The following ZNF205 variants were observed in gnomAD, a reference collection of about 807,000 sequenced individuals.
ZNF205 encodes zinc finger protein 205, also known as transcriptional repressor RHIT.
A neutral mutation model predicts 53.6 loss-of-function variants in ZNF205; 32 were observed. The observed-to-expected ratio is 0.60, with a 90% CI of 0.45 to 0.80. The LOEUF (loss-of-function observed/expected upper bound fraction) is 0.80, where lower values mean the gene tolerates loss of function less well. Among genes scored for constraint, ZNF205 ranks in the 30% least tolerant of loss-of-function variants. The probability of loss-of-function intolerance (pLI) is 0.00; values close to 1 mark genes in which losing one functional copy is unlikely to be tolerated. For synonymous variants in ZNF205, 382 were observed against 334.3 expected, an observed-to-expected ratio of 1.14 and a Z score of -1.56; for missense variants, 836 against 782.4, an observed-to-expected ratio of 1.07 and a Z score of -0.82.
Position 3,115,583 on chromosome 16 carries a change from G to A in ZNF205, c.271+15G>A, listed in dbSNP as rs762449264. ...GCCTGGCGGAGGTAGGAGAGGGACG[G>A]GGAAGAGGCGCTTTCCCAGGGAGGC... On this transcript the variant is annotated intron_variant, in intron 3 of 6. Coordinates refer to ENST00000219091, the MANE Select transcript of ZNF205 (RefSeq NM_001042428.2). 2 of 1,573,988 alleles carry A rather than the reference G, an allele frequency of 1.3e-6. No homozygotes were observed. The highest frequency in any genetic ancestry group is 1.4e-5 in the African/African-American group (1 of 72,636).
rs535018834 is a variant in ZNF205 at position 3,115,421 on chromosome 16, G to A, written c.124G>A (p.Asp42Asn). Residue 42 changes from aspartate to asparagine, a missense_variant, in exon 3 of 7, where the codon GAC becomes AAC. Coordinates refer to ENST00000219091, the MANE Select transcript of ZNF205 (RefSeq NM_001042428.2). ...GCTGGGGGAGGCGGTACCTTCAGGG[G>A]ACACTCAGGAGTCACTGCACATTAA... ...SKLGEAVPSG[D>N]TQESLHIKME... is the part of the protein sequence containing the mutation. The A allele has an allele frequency of 6.2e-7, 1 of 1,611,940 alleles. No individual in the cohort carries two copies.
chr16:3,112,595 C>G lies in ZNF205; in HGVS notation c.-102C>G. On this transcript the variant is annotated 5_prime_UTR_variant, in exon 1 of 7. Transcript: ENST00000219091. ...CCTACTCCCAGTCTCCACCCAACTC[C>G]CCCGCCCGCCCCGTGCAGGCTGTGG... 3 of 336,806 alleles carry G rather than the reference C, an allele frequency of 8.9e-6. No homozygotes were observed. The highest frequency in any genetic ancestry group is 6.7e-5 in the South Asian group (3 of 44,764). 20.9% of individuals were successfully genotyped at this position (336,806 alleles called of 1,614,324 possible). A position where few individuals can be genotyped will look rare whatever the true frequency, so the allele number is the denominator to read the frequency against.
chr16:3,116,236 G>T, intron 4 of ZNF205, 191 bp from the exon 5 acceptor site: 1 of 761,912 alleles, frequency 1.3e-6, no homozygotes, highest in Non-Finnish European at 2.1e-6. Context: ...AATACCTCTT[G>T]GTCTTTGTTC....
In ZNF205 at chr16:3,119,932, C is replaced by T. The variant is rs200097963; in HGVS notation, c.1272C>T (p.Ile424=). 363 of 1,613,632 alleles carry T rather than the reference C, an allele frequency of 2.2e-4. 4 individuals are homozygous for T. In the South Asian group the frequency reaches 3.8e-3, roughly 17 times the overall value. The change falls in exon 7 of 7, where the codon ATC becomes ATT. Residue 424 remains isoleucine (I), a synonymous_variant. Transcript: ENST00000219091. ...GCGCCAAGCCGCACAAGTGCCCCAT[C>T]TGCGCCAAGTGCTTCACGCAGAGCT... ...HTGAKPHKCP[I]CAKCFTQSSA... is the part of the protein sequence containing the mutation.
intron 6 of ZNF205, 29 bp from the exon 7 acceptor site, chr16:3,119,227 C>T (rs1367689503): frequency 3.2e-6 from 5 of 1,552,168 alleles, no homozygotes; most frequent in East Asian, 2.3e-5. Context: ...GAAGCTCGTC[C>T]CTAGCTGGAA....
rs745927643 is a variant in ZNF205, at chr16:3,118,897, C to T, written c.485-8C>T. 1.2e-6 allele frequency: 2 copies of T among 1,612,838 alleles called. No homozygotes were observed. The highest frequency in any genetic ancestry group is 8.5e-7 in the Non-Finnish European group (1 of 1,179,610). The stretch of plus-strand genomic sequence containing the variant: ...GCCTGTGACAGCACAGCATCTCTTT[C>T]TGGGCAGGCTTTCCCTTCAGCAGGC... On this transcript the variant is annotated splice_polypyrimidine_tract_variant and splice_region_variant and intron_variant, in intron 5 of 6. Transcript: ENST00000219091.
chr16:3,116,322 A>G lies in ZNF205; in HGVS notation c.364-105A>G, dbSNP rs1284025310. The G allele has an allele frequency of 2.0e-6, 3 of 1,534,600 alleles. No individual in the cohort carries two copies. The East Asian group carries it at 6.8e-5, about 35-fold the overall frequency. Reference sequence around the variant, plus strand: ...ATGGAAGTGGCAGGCCTCACTCGACACAGTGGGTTGGGAGTCCGGGGTCTC... The same window carrying G: ...ATGGAAGTGGCAGGCCTCACTCGACGCAGTGGGTTGGGAGTCCGGGGTCTC... On this transcript the variant is annotated intron_variant, in intron 4 of 6. Transcript: ENST00000219091.
intron 2 of ZNF205, among the ~76,000 whole-genome samples, chr16:3,114,490 G>A (rs368831923): frequency 3.9e-5 from 6 of 152,176 alleles, no homozygotes; most frequent in East Asian, 3.8e-4. Context: ...CAGACAGGGC[G>A]TGGAGGAAGG....
In ZNF205 at chr16:3,120,492, T is replaced by C. The variant is rs1957415962; in HGVS notation, c.*167T>C. ...CGAGGGCGAGAAAGGGCAGGCACTC[T>C]GCGAATTAAAGGCCTTGGACTTGAA... On this transcript the variant is annotated 3_prime_UTR_variant, in exon 7 of 7. Transcript: ENST00000219091. 2 of 855,564 alleles carry C rather than the reference T, an allele frequency of 2.3e-6. No individual in the cohort carries two copies. Among genetic ancestry groups the C allele is most frequent in the Middle Eastern group, 3.6e-4 (1 of 2,782 alleles). The allele number at this position is 855,564 out of a possible 1,614,324, so 53.0% of individuals were successfully genotyped here.
chr16:3,119,687 A>C lies in ZNF205; in HGVS notation c.1027A>C (p.Lys343Gln). 6.2e-7 allele frequency: 1 copy of C among 1,613,504 alleles called. No individual in the cohort carries two copies. The highest frequency in any genetic ancestry group is 8.5e-7 in the Non-Finnish European group (1 of 1,179,872). ...GCCCTACGCCTGCACTGACTGCGGG[A>C]AGCGCTTCGGCCGCAGCTCGCACCT... ...EKPYACTDCG[K>Q]RFGRSSHLIQ... Residue 343 changes from lysine (K) to glutamine (Q), a missense_variant, in exon 7 of 7, where the codon AAG (lysine) becomes CAG (glutamine). Lys to Gln is a moderately conservative substitution (Grantham distance 53). Transcript: ENST00000219091.
At chr16:3,117,517 C>CGACTCATG (rs2151230182) in intron 5 of ZNF205, among the ~76,000 whole-genome samples, 1 of 133,392 alleles carries the variant, frequency 7.5e-6, no homozygotes, top group East Asian at 2.5e-4. Context: ...GGCACCATCA[C>CGACTCATG]GACTCATGCA....
intron 2 of ZNF205, 66 bp from the exon 3 acceptor site, chr16:3,115,289 G>C: frequency 1.5e-6 from 2 of 1,291,510 alleles, no homozygotes; most frequent in South Asian, 4.3e-5. Context: ...CTGCCGGAGC[G>C]CACTGCCATG....
At position 3,120,423 on chromosome 16, in the gene ZNF205, T is replaced by A; in HGVS notation, c.*98T>A. 7.4e-7 allele frequency: 1 copy of A among 1,354,698 alleles called. No homozygotes were observed. The highest frequency in any genetic ancestry group is 2.6e-4 in the Middle Eastern group (1 of 3,848). 83.9% of individuals were successfully genotyped at this position (1,354,698 alleles called of 1,614,324 possible). A position where few individuals can be genotyped will look rare whatever the true frequency, so the allele number is the denominator to read the frequency against. ...GGAGAGAGGGGCTCGGGAAGGGAGC[T>A]GGGGCGGTGAGGGCATGGGGTGAGG... On this transcript the variant is annotated 3_prime_UTR_variant, in exon 7 of 7. Coordinates refer to ENST00000219091, the MANE Select transcript of ZNF205 (RefSeq NM_001042428.2).
intron 5 of ZNF205, 148 bp downstream of exon 5, chr16:3,116,695 G>A (rs1957350652): frequency 7.9e-7 from 1 of 1,259,806 alleles, no homozygotes; most frequent in Admixed American, 2.7e-5. Flanking sequence ...TGTAATGATG[G>A]AAATGTTCTG....
chr16:3,116,931 A>G (rs542149613), intron 5 of ZNF205, among the ~76,000 whole-genome samples: 1 of 152,188 alleles, frequency 6.6e-6, no homozygotes, highest in South Asian at 2.1e-4. Context: ...AGTAGCTGGG[A>G]CTACAGGTGC....
intron 2 of ZNF205, among the ~76,000 whole-genome samples, chr16:3,114,099 G>A (rs531343082): frequency 1.4e-4 from 21 of 152,202 alleles, no homozygotes; most frequent in African/African-American, 3.6e-4. Context: ...GGCATGAGAC[G>A]CCATCATCTA....
Position 3,115,336 on chromosome 16 carries a change from A to ATGGGGCTGTCC in ZNF205, c.58-17_58-7dup. The ATGGGGCTGTCC allele has an allele frequency of 6.5e-7, 1 of 1,547,842 alleles. No individual in the cohort carries two copies. The highest frequency in any genetic ancestry group is 8.7e-7 in the Non-Finnish European group (1 of 1,147,442). On this transcript the variant is annotated intron_variant, in intron 2 of 6. Transcript: ENST00000219091. ...GTCTCTCCCACTCATCTGGGTGCTGATGGGGCTGTCCTTTCTAGGTTCCAG... is the reference window on the plus strand; with the variant it reads ...GTCTCTCCCACTCATCTGGGTGCTGATGGGGCTGTCCTGGGGCTGTCCTTTCTAGGTTCCAG...
Position 3,119,032 on chromosome 16 carries a change from C to T in ZNF205, c.595+17C>T, listed in dbSNP as rs374062546. ...CGTGCACAGGTGAGGGACGGGCGCG[C>T]GCCTTTGTCTGCGGGAGTGGGGCGC... On this transcript the variant is annotated intron_variant, in intron 6 of 6. Coordinates refer to ENST00000219091, the MANE Select transcript of ZNF205 (RefSeq NM_001042428.2). 26 of 1,609,688 alleles carry T rather than the reference C, an allele frequency of 1.6e-5. No individual in the cohort carries two copies. Among genetic ancestry groups the T allele is most frequent in the Non-Finnish European group, 2.1e-5 (25 of 1,178,430 alleles).
Position 3,120,285 on chromosome 16 carries a change from C to T in ZNF205, c.1625C>T (p.Ala542Val). The T allele has an allele frequency of 1.9e-6, 3 of 1,591,456 alleles. No individual in the cohort carries two copies. The highest frequency in any genetic ancestry group is 1.1e-5 in the South Asian group (1 of 89,940). ...GCCATGCTGATGCTGGGGGCGGCGGCGGCGGGGGCTCTGGCCACACCCCCA... is the reference window on the plus strand; with the variant it reads ...GCCATGCTGATGCTGGGGGCGGCGGTGGCGGGGGCTCTGGCCACACCCCCA... ...ALAMLMLGAA[A>V]AGALATPPPA... Residue 542 changes from alanine to valine, a missense_variant, in exon 7 of 7, where the codon GCG (alanine) becomes GTG (valine). By Grantham distance (64) the Ala-to-Val change is moderately conservative. Transcript: ENST00000219091.
Sources: gnomAD v4.1 joint callset for allele counts (sites outside exome capture counted in the v4.1 genomes callset) on GRCh38, gnomAD v4.1.1 for gene constraint, MANE v1.5 for transcripts, NCBI Gene and HGNC (gene_info 2026-07-23, HGNC 2026-07-21) for gene names.